RAB30: variants seen among roughly 807,000 people sequenced by gnomAD.
The protein encoded by RAB30 is RAB30, member RAS oncogene family.
RAB30 carries 9 observed loss-of-function variants against 25.1 expected under a neutral mutation model. The observed-to-expected ratio is 0.36, with a 90% CI of 0.22 to 0.63. The LOEUF (loss-of-function observed/expected upper bound fraction) is 0.63. Ranked by LOEUF, RAB30 falls within the 20% of genes least tolerant of loss-of-function variation. The probability of loss-of-function intolerance (pLI) is 0.69; values close to 1 mark genes in which losing one functional copy is unlikely to be tolerated. For synonymous variants in RAB30, 77 were observed against 86.4 expected, an observed-to-expected ratio of 0.89 and a Z score of 0.60; for missense variants, 140 against 243.5, an observed-to-expected ratio of 0.58 and a Z score of 2.83.
At position 82,979,907 on chromosome 11, in the gene RAB30, T is replaced by C. The variant is rs1856610390; in HGVS notation, c.*2258A>G. On this transcript the variant is annotated 3_prime_UTR_variant, in exon 5 of 5. Coordinates refer to ENST00000527633, the MANE Select transcript of RAB30 (RefSeq NM_001286060.2). ...ATAGAGAAGGCTAAACCCTAGGGAA[T>C]AATACAAGTGTGACCCTAAAAGGTA... is the stretch of plus-strand genomic sequence containing the variant. The C allele has an allele frequency of 1.3e-5, 2 of 152,148 alleles. No homozygotes were observed. The highest frequency in any genetic ancestry group is 4.1e-4 in the South Asian group (2 of 4,828). The allele number at this position is 152,148 out of a possible 1,614,324, so 9.4% of individuals were successfully genotyped here. A position where few individuals can be genotyped will look rare whatever the true frequency, so the allele number is the denominator to read the frequency against.
chr11:82,986,357 G>A (rs1312749858), intron 4 of RAB30, among the ~76,000 whole-genome samples: 2 of 152,154 alleles, frequency 1.3e-5, no homozygotes, highest in African/African-American at 4.8e-5. Context: ...ATTTTCCATA[G>A]TAAAATTGTG....
intron 1 of RAB30, among the ~76,000 whole-genome samples, chr11:83,040,583 ACT>A (rs949175733): frequency 7.4e-6 from 1 of 135,034 alleles, no homozygotes; most frequent in East Asian, 2.0e-4. Context: ...CAAGAGCGAA[ACT>A]CTGTCTCAAA....
chr11:83,038,509 C>T (rs555979403), intron 1 of RAB30, among the ~76,000 whole-genome samples: 31 of 152,118 alleles, frequency 2.0e-4, no homozygotes, highest in African/African-American at 7.0e-4. Flanking sequence ...AAGCCTTATG[C>T]CTGATACATT....
intron 2 of RAB30, among the ~76,000 whole-genome samples, chr11:82,994,607 A>C (rs1337018334): frequency 2.6e-5 from 4 of 152,224 alleles, no homozygotes; most frequent in African/African-American, 9.6e-5. Flanking sequence ...GGGAATGGGC[A>C]ACAATATGAA....
chr11:83,001,822 C>A (rs1233913492), intron 1 of RAB30, among the ~76,000 whole-genome samples: 1 of 152,096 alleles, frequency 6.6e-6, no homozygotes, highest in East Asian at 1.9e-4. Context: ...AGTAGACACG[C>A]CACAAGATAT....
intron 1 of RAB30, among the ~76,000 whole-genome samples, chr11:82,998,529 CAG>C (rs1565271606): frequency 7.2e-6 from 1 of 139,070 alleles, no homozygotes; most frequent in African/African-American, 2.8e-5. Context: ...GCCTGGGTGA[CAG>C]AGTGAGACTC....
At chr11:83,051,684 TA>T (rs34533758) in intron 1 of RAB30, among the ~76,000 whole-genome samples, 79 of 141,858 alleles carry the variant, frequency 5.6e-4, no homozygotes, top group Admixed American at 5.0e-4. Context: ...CACTTACAGT[TA>T]AAAAAAAAAA....
chr11:83,013,529 G>A (rs1668014351), intron 1 of RAB30, among the ~76,000 whole-genome samples: 1 of 152,134 alleles, frequency 6.6e-6, no homozygotes, highest in African/African-American at 2.4e-5. Context: ...AAGAAAAACT[G>A]ATCAGTACAC....
chr11:83,005,330 T>C (rs1857162653), intron 1 of RAB30, among the ~76,000 whole-genome samples: 1 of 152,222 alleles, frequency 6.6e-6, no homozygotes, highest in South Asian at 2.1e-4. Flanking sequence ...TCCTGGCCAT[T>C]TGGACCATGA....
chr11:83,016,404 T>C (rs1163341991), intron 1 of RAB30, among the ~76,000 whole-genome samples: 1 of 152,198 alleles, frequency 6.6e-6, no homozygotes, highest in East Asian at 1.9e-4. Context: ...TATTTTGCAA[T>C]ATTTAAGAGA....
intron 1 of RAB30, chr11:83,060,000 C>T (rs1419427047): frequency 1.3e-5 from 2 of 152,146 alleles, no homozygotes; most frequent in African/African-American, 2.4e-5. Context: ...CGCTTGAAGT[C>T]AGGAATTCGA....
At chr11:83,032,581 C>A (rs756897918) in intron 1 of RAB30, among the ~76,000 whole-genome samples, 1 of 152,226 alleles carries the variant, frequency 6.6e-6, no homozygotes, top group South Asian at 2.1e-4. Context: ...CCTCCAACCT[C>A]AGCCACCTGA....
At position 83,048,170 on chromosome 11, in the gene RAB30, C is replaced by A. The variant is rs531638277; in HGVS notation, c.-9+23521G>T. 2.6e-5 allele frequency among the ~76,000 whole-genome samples: 4 copies of A among 152,214 alleles called. No homozygotes were observed. The South Asian group carries it at 8.3e-4, about 32-fold the overall frequency. ...ACAAATCTCACCTTCTCCCCAGGCA[C>A]CCTGCTCTAGATATGCTGGCCTAGA... is the stretch of plus-strand genomic sequence containing the variant. On this transcript the variant is annotated intron_variant, in intron 1 of 4. Transcript: ENST00000527633.
chr11:83,014,263 C>T (rs2121498989), intron 1 of RAB30, among the ~76,000 whole-genome samples: 1 of 152,220 alleles, frequency 6.6e-6, no homozygotes, highest in South Asian at 2.1e-4. Flanking sequence ...TAAGAAAGAG[C>T]CAGACCAGGC....
chr11:82,989,642 G>A (rs17144459), intron 3 of RAB30, among the ~76,000 whole-genome samples: 1 of 152,230 alleles, frequency 6.6e-6, no homozygotes, highest in Non-Finnish European at 1.5e-5. Context: ...GAACTGTTCA[G>A]TATTAGAAAT....
intron 1 of RAB30, among the ~76,000 whole-genome samples, chr11:83,008,747 C>A (rs1002296110): frequency 1.3e-5 from 2 of 152,100 alleles, no homozygotes; most frequent in Admixed American, 1.3e-4. Flanking sequence ...CTTGAATACA[C>A]CCCTGCTTAA....
At chr11:83,014,642 G>GAAAGAA (rs1555035123) in intron 1 of RAB30, among the ~76,000 whole-genome samples, 11 of 72,148 alleles carry the variant, frequency 1.5e-4, no homozygotes, top group Non-Finnish European at 2.3e-4. Flanking sequence ...GAAAAAGAAA[G>GAAAGAA]AAAGAAAGAA....
At position 82,981,889 on chromosome 11, in the gene RAB30, T is replaced by TA. The variant is rs757827611; in HGVS notation, c.*275dup. On this transcript the variant is annotated 3_prime_UTR_variant, in exon 5 of 5. Transcript: ENST00000527633. ...TAGGAATGCGCTTTTACTTGCTTTT[T>TA]AAAAAAACAAAAGCAACATGCTCTG... is the stretch of plus-strand genomic sequence containing the variant. The TA allele has an allele frequency of 2.9e-5, 12 of 418,842 alleles. No individual in the cohort carries two copies. The highest frequency in any genetic ancestry group is 2.3e-4 in the East Asian group (5 of 22,072). The allele number at this position is 418,842 out of a possible 1,614,324, so 25.9% of individuals were successfully genotyped here. A position where few individuals can be genotyped will look rare whatever the true frequency, so the allele number is the denominator to read the frequency against.
At chr11:83,039,443 C>A (rs1858055527) in intron 1 of RAB30, among the ~76,000 whole-genome samples, 1 of 152,190 alleles carries the variant, frequency 6.6e-6, no homozygotes, top group African/African-American at 2.4e-5. Flanking sequence ...CATTGGGATG[C>A]CAAGGCAGGC....
Sources: gnomAD v4.1 joint callset for allele counts (sites outside exome capture counted in the v4.1 genomes callset) on GRCh38, gnomAD v4.1.1 for gene constraint, MANE v1.5 for transcripts, NCBI Gene and HGNC (gene_info 2026-07-23, HGNC 2026-07-21) for gene names.